The following KCNIP4 variants were observed in gnomAD, a reference collection of about 807,000 sequenced individuals.
KCNIP4 encodes the protein Kv channel-interacting protein 4.
KCNIP4 carries 12 observed loss-of-function variants against 34.0 expected under a neutral mutation model. The ratio of observed to expected loss-of-function variants is 0.35; its 90% CI spans 0.23 to 0.57. The LOEUF (loss-of-function observed/expected upper bound fraction) is 0.57, where lower values mean the gene tolerates loss of function less well. Ranked by LOEUF, KCNIP4 falls within the 20% of genes least tolerant of loss-of-function variation. The pLI, the probability that KCNIP4 is intolerant of heterozygous loss-of-function variation, is 0.83. For synonymous variants in KCNIP4, 124 were observed against 102.2 expected (o/e 1.21, Z -1.29); for missense variants, 238 against 311.7 (o/e 0.76, Z 1.78).
chr4:21,010,232 A>G (rs1030611161), intron 1 of KCNIP4, among the ~76,000 whole-genome samples: 5 of 152,202 alleles, frequency 3.3e-5, no homozygotes, highest in Admixed American at 1.3e-4. Flanking sequence ...ATTCGTTGTT[A>G]TAGGAACATG....
intron 1 of KCNIP4, among the ~76,000 whole-genome samples, chr4:21,158,320 A>G (rs1753306189): frequency 6.6e-6 from 1 of 152,094 alleles, no homozygotes; most frequent in South Asian, 2.1e-4. Context: ...GCATTACCCC[A>G]GTATCAAAGC....
rs1281551082 is a variant in KCNIP4, at chr4:21,200,044, G to T, written c.62-317335C>A. On this transcript the variant is annotated intron_variant, in intron 1 of 8. Coordinates refer to ENST00000382152, the MANE Select transcript of KCNIP4 (RefSeq NM_025221.6). Reference sequence around the variant, plus strand: ...CATCACACACTGGGGCCTGTTGTGGGGTGGGGGAAGCGGGGAGGGATAGCA... The same window carrying T: ...CATCACACACTGGGGCCTGTTGTGGTGTGGGGGAAGCGGGGAGGGATAGCA... Among the ~76,000 whole-genome samples the T allele has an allele frequency of 7.9e-5, 12 of 151,992 alleles. No homozygotes were observed. In the East Asian group the frequency reaches 9.7e-4, roughly 12 times the overall value.
chr4:21,895,768 A>G (rs2109410846), intron 1 of KCNIP4, among the ~76,000 whole-genome samples: 1 of 152,332 alleles, frequency 6.6e-6, no homozygotes, highest in Non-Finnish European at 1.5e-5. Context: ...AGTGGCCCAT[A>G]GCATCTGTCC....
chr4:21,833,442 GT>G (rs1179926149), intron 1 of KCNIP4, among the ~76,000 whole-genome samples: 3 of 151,938 alleles, frequency 2.0e-5, no homozygotes, highest in African/African-American at 7.2e-5. Flanking sequence ...GGGGTTGTTT[GT>G]TTTTTTCTTG....
intron 1 of KCNIP4, among the ~76,000 whole-genome samples, chr4:21,745,979 G>A (rs983642612): frequency 3.3e-5 from 5 of 152,032 alleles, no homozygotes; most frequent in South Asian, 2.1e-4. Context: ...ATATTTTCTC[G>A]CAGATCTGGA....
intron 1 of KCNIP4, among the ~76,000 whole-genome samples, chr4:21,309,423 A>G (rs1176279240): frequency 1.3e-5 from 2 of 152,228 alleles, no homozygotes; most frequent in East Asian, 3.8e-4. Context: ...TAAGTATTTC[A>G]TACCTGTACA....
chr4:21,920,802 G>T (rs1039990975), intron 1 of KCNIP4, among the ~76,000 whole-genome samples: 1 of 152,080 alleles, frequency 6.6e-6, no homozygotes, highest in African/African-American at 2.4e-5. Flanking sequence ...TTACCAGCAG[G>T]CTGCAGATAT....
At chr4:21,492,047 T>C (rs958069105) in intron 1 of KCNIP4, among the ~76,000 whole-genome samples, 2 of 152,320 alleles carry the variant, frequency 1.3e-5, no homozygotes, top group East Asian at 1.9e-4. Flanking sequence ...ATCCAACTAA[T>C]TGTGATGTTA....
At chr4:21,714,864 A>G (rs1292180402) in intron 1 of KCNIP4, among the ~76,000 whole-genome samples, 1 of 356 alleles carries the variant, frequency 2.8e-3, no homozygotes, top group African/African-American at 0.042. Flanking sequence ...ATTTTATTTT[A>G]TTTTATTTTA....
chr4:21,298,456 A>G (rs1324190604), intron 1 of KCNIP4, among the ~76,000 whole-genome samples: 2 of 152,094 alleles, frequency 1.3e-5, no homozygotes, highest in East Asian at 3.9e-4. Flanking sequence ...TTCATAAATA[A>G]CAGTCGTCCT....
At chr4:21,236,333 A>G (rs1759355941) in intron 1 of KCNIP4, among the ~76,000 whole-genome samples, 1 of 152,188 alleles carries the variant, frequency 6.6e-6, no homozygotes, top group Non-Finnish European at 1.5e-5. Flanking sequence ...TCCATTAACA[A>G]AGAACTGGAC....
At chr4:21,733,028 C>T (rs1715720429) in intron 1 of KCNIP4, among the ~76,000 whole-genome samples, 1 of 151,886 alleles carries the variant, frequency 6.6e-6, no homozygotes, top group Non-Finnish European at 1.5e-5. Flanking sequence ...AAATAGAAAA[C>T]TTTCACAAAC....
intron 1 of KCNIP4, among the ~76,000 whole-genome samples, chr4:21,239,938 A>G (rs183920304): frequency 0.027 from 4,119 of 152,106 alleles, 151 homozygotes; most frequent in African/African-American, 0.087. Flanking sequence ...TGTTTATTGC[A>G]GCACTATTCA....
intron 1 of KCNIP4, among the ~76,000 whole-genome samples, chr4:21,764,720 G>A (rs1002791800): frequency 1.3e-5 from 2 of 152,044 alleles, no homozygotes; most frequent in African/African-American, 2.4e-5. Context: ...TTTCCACCAA[G>A]GGCTCAGATG....
At chr4:21,572,250 G>A (rs1390136774) in intron 1 of KCNIP4, among the ~76,000 whole-genome samples, 1 of 152,148 alleles carries the variant, frequency 6.6e-6, no homozygotes, top group African/African-American at 2.4e-5. Flanking sequence ...GATAGGACCA[G>A]TTTTGAATCT....
intron 1 of KCNIP4, among the ~76,000 whole-genome samples, chr4:21,865,849 C>T (rs2109357978): frequency 6.6e-6 from 1 of 151,388 alleles, no homozygotes; most frequent in South Asian, 2.1e-4. Context: ...AGGTGCCTGG[C>T]CAACAAATGA....
At chr4:21,250,217 TAA>T (rs34472391) in intron 1 of KCNIP4, among the ~76,000 whole-genome samples, 327 of 140,370 alleles carry the variant, frequency 2.3e-3, no homozygotes, top group East Asian at 3.7e-3. Context: ...TTAGGACTGT[TAA>T]AAAAAAAAAA....
intron 1 of KCNIP4, among the ~76,000 whole-genome samples, chr4:21,734,528 T>C (rs1421935494): frequency 1.3e-5 from 2 of 152,164 alleles, no homozygotes; most frequent in African/African-American, 4.8e-5. Context: ...AAGTAAAAAG[T>C]AAAACAATCA....
intron 3 of KCNIP4, among the ~76,000 whole-genome samples, chr4:20,812,607 G>A (rs1426713494): frequency 6.6e-6 from 1 of 152,124 alleles, no homozygotes; most frequent in African/African-American, 2.4e-5. Flanking sequence ...ATCTAAACAC[G>A]GCATAGCTAT....
Sources: allele counts gnomAD v4.1 joint callset (sites outside exome capture counted in the v4.1 genomes callset), GRCh38; gene constraint gnomAD v4.1.1; transcripts MANE v1.5; gene names NCBI Gene and HGNC (gene_info 2026-07-23, HGNC 2026-07-21).